Variants in CDH12 observed in about 807,000 individuals in gnomAD.
CDH12 encodes cadherin-12.
Under a neutral mutation model 74.1 loss-of-function variants are expected in CDH12, and 41 were observed. The ratio of observed to expected loss-of-function variants is 0.55; its 90% confidence interval spans 0.43 to 0.72. The LOEUF is 0.72. Ranked by LOEUF, CDH12 falls within the 30% of genes least tolerant of loss-of-function variation. CDH12 has a pLI of 0.00. For missense variants in CDH12, 945 were observed against 977.2 expected, an observed-to-expected ratio of 0.97 and a Z score of 0.44; for synonymous variants, 399 against 355.0, an observed-to-expected ratio of 1.12 and a Z score of -1.39.
intron 1 of CDH12, among the ~76,000 whole-genome samples, chr5:22,563,471 T>C (rs1739157186): frequency 6.6e-6 from 1 of 152,140 alleles, no homozygotes; most frequent in Non-Finnish European, 1.5e-5. Flanking sequence ...TATATTCTGG[T>C]TGTTAATCTC....
chr5:21,924,228 G>A (rs1754486039), intron 6 of CDH12, among the ~76,000 whole-genome samples: 1 of 152,116 alleles, frequency 6.6e-6, no homozygotes, highest in African/African-American at 2.4e-5. Context: ...AAGATGATGT[G>A]TTTAAATTAC....
chr5:22,033,069 C>T (rs888624813), intron 5 of CDH12, among the ~76,000 whole-genome samples: 1 of 148,940 alleles, frequency 6.7e-6, no homozygotes, highest in African/African-American at 2.5e-5. Context: ...CAGGCTGACT[C>T]AGACTATTAT....
chr5:22,606,138 CTTG>C (rs1737103533), intron 1 of CDH12, among the ~76,000 whole-genome samples: 2 of 152,200 alleles, frequency 1.3e-5, no homozygotes, highest in Non-Finnish European at 2.9e-5. Context: ...AGGCAAGCAG[CTTG>C]TTGTTCCTGT....
At chr5:21,833,203 TA>T (rs1163121168) in intron 8 of CDH12, among the ~76,000 whole-genome samples, 7 of 22,190 alleles carry the variant, frequency 3.2e-4, no homozygotes, top group Admixed American at 3.0e-3. Context: ...ATAATATATA[TA>T]TTATAATATA....
At chr5:22,178,126 CT>C (rs1417026900) in intron 4 of CDH12, among the ~76,000 whole-genome samples, 1 of 152,194 alleles carries the variant, frequency 6.6e-6, no homozygotes, top group Non-Finnish European at 1.5e-5. Flanking sequence ...AAGGCTACCT[CT>C]CATCCCTTAG....
chr5:21,822,023 A>G (rs1447667113), intron 8 of CDH12, among the ~76,000 whole-genome samples: 5 of 151,972 alleles, frequency 3.3e-5, no homozygotes, highest in Non-Finnish European at 7.4e-5. Context: ...ACTTTATAGA[A>G]ATTGTGTACC....
At chr5:22,413,429 G>A (rs1019060048) in intron 2 of CDH12, among the ~76,000 whole-genome samples, 6 of 151,836 alleles carry the variant, frequency 4.0e-5, no homozygotes, top group Admixed American at 2.0e-4. Context: ...GACAAAAGCC[G>A]AAAATGCCAC....
At chr5:21,877,954 C>A (rs1752028028) in intron 6 of CDH12, among the ~76,000 whole-genome samples, 1 of 152,168 alleles carries the variant, frequency 6.6e-6, no homozygotes, top group African/African-American at 2.4e-5. Context: ...TTCACATTAT[C>A]TGAAGGCAAG....
At position 21,810,135 on chromosome 5, in the gene CDH12, A is replaced by AAGTT. The variant is rs529691025; in HGVS notation, c.1002+6806_1002+6809dup. On this transcript the variant is annotated intron_variant, in intron 9 of 14. Coordinates refer to ENST00000382254, the MANE Select transcript of CDH12 (RefSeq NM_004061.5). ...TGCCTGTAAATGTGTGTGTGTGCAG[A>AAGTT]AGTTAGTAATAGAAAATGCACTCTT... is the stretch of plus-strand genomic sequence containing the variant. Among the ~76,000 whole-genome samples, 47 of 152,238 alleles carry AAGTT rather than the reference A, an allele frequency of 3.1e-4. 4 individuals carry two copies. The South Asian group carries it at 9.7e-3, about 32-fold the overall frequency.
intron 1 of CDH12, among the ~76,000 whole-genome samples, chr5:22,773,198 C>A (rs1174989294): frequency 6.6e-6 from 1 of 151,990 alleles, no homozygotes; most frequent in Non-Finnish European, 1.5e-5. Flanking sequence ...ATTACCAAGG[C>A]AATCCTAAGC....
intron 12 of CDH12, among the ~76,000 whole-genome samples, chr5:21,761,742 T>TAGAGATAG (rs1554027352): frequency 6.8e-6 from 1 of 147,346 alleles, no homozygotes; most frequent in African/African-American, 2.5e-5. Flanking sequence ...GATGGATAGA[T>TAGAGATAG]ATAGATAGAT....
At chr5:22,564,418 A>G (rs1211047006) in intron 1 of CDH12, among the ~76,000 whole-genome samples, 1 of 152,216 alleles carries the variant, frequency 6.6e-6, no homozygotes, top group Non-Finnish European at 1.5e-5. Flanking sequence ...CATTGCCACC[A>G]GTTCATTTTG....
At chr5:22,773,848 T>G (rs911891121) in intron 1 of CDH12, among the ~76,000 whole-genome samples, 1 of 151,982 alleles carries the variant, frequency 6.6e-6, no homozygotes, top group Non-Finnish European at 1.5e-5. Flanking sequence ...GGACACTTCT[T>G]GGAAGAAGAT....
At chr5:22,617,898 G>A (rs984312936) in intron 1 of CDH12, among the ~76,000 whole-genome samples, 7 of 151,982 alleles carry the variant, frequency 4.6e-5, no homozygotes, top group Admixed American at 1.3e-4. Flanking sequence ...CCCATAAATT[G>A]CTATAAGCAG....
chr5:22,014,154 G>GA (rs1561020737), intron 5 of CDH12, among the ~76,000 whole-genome samples: 1 of 152,130 alleles, frequency 6.6e-6, no homozygotes, highest in Non-Finnish European at 1.5e-5. Context: ...TTGAACCCAG[G>GA]AGGCGGATGT....
intron 6 of CDH12, among the ~76,000 whole-genome samples, chr5:21,916,801 A>G (rs13180780): frequency 0.74 from 112,658 of 152,048 alleles, 44,308 homozygotes; most frequent in East Asian, 0.93. Flanking sequence ...GCAGGCTCCT[A>G]GGAGATACCC....
chr5:21,981,830 A>C lies in CDH12; in HGVS notation c.232-6445T>G, dbSNP rs193254028. ...ATTACAGGCACAGACTACCATGCTT[A>C]GCTAATTTTTCTATTTTTTTATTTG... On this transcript the variant is annotated intron_variant, in intron 5 of 14. Coordinates refer to ENST00000382254, the MANE Select transcript of CDH12 (RefSeq NM_004061.5). Among the ~76,000 whole-genome samples, 375 of 152,148 alleles carry C rather than the reference A, an allele frequency of 2.5e-3. 3 individuals are homozygous for C. Among genetic ancestry groups the C allele is most frequent in the African/African-American group, 8.4e-3 (348 of 41,510 alleles).
At chr5:22,453,676 G>T (rs1745143323) in intron 2 of CDH12, among the ~76,000 whole-genome samples, 1 of 152,022 alleles carries the variant, frequency 6.6e-6, no homozygotes, top group African/African-American at 2.4e-5. Context: ...ATAGTAGGGT[G>T]GCTATAGTGA....
intron 13 of CDH12, among the ~76,000 whole-genome samples, chr5:21,759,576 T>A (rs1744599019): frequency 6.6e-6 from 1 of 152,102 alleles, no homozygotes; most frequent in Non-Finnish European, 1.5e-5. Context: ...TTTAGTAAAA[T>A]TGTATACATT....
Sources: allele counts gnomAD v4.1 joint callset (sites outside exome capture counted in the v4.1 genomes callset), GRCh38; gene constraint gnomAD v4.1.1; transcripts MANE v1.5; gene names NCBI Gene and HGNC (gene_info 2026-07-23, HGNC 2026-07-21).